The following RASAL2 variants were observed in gnomAD, a reference collection of about 807,000 sequenced individuals.
RASAL2 encodes ras GTPase-activating protein nGAP.
Under a neutral mutation model 128.9 loss-of-function variants are expected in RASAL2, and 58 were observed. The observed-to-expected ratio is 0.45, with a 90% CI of 0.36 to 0.56. The LOEUF (loss-of-function observed/expected upper bound fraction) is 0.56, where lower values mean the gene tolerates loss of function less well. RASAL2 is among the 20% of genes least tolerant of loss of function. The pLI, the probability that RASAL2 is intolerant of heterozygous loss-of-function variation, is 0.00. For synonymous variants in RASAL2, 561 were observed against 580.8 expected (o/e 0.97, Z 0.49); for missense variants, 1,360 against 1,601.6 (o/e 0.85, Z 2.57).
At chr1:178,252,506 T>C (rs2102091153) in intron 1 of RASAL2, among the ~76,000 whole-genome samples, 1 of 152,240 alleles carries the variant, frequency 6.6e-6, no homozygotes, top group South Asian at 2.1e-4. Context: ...AAAGAGTACT[T>C]TCAGGCTGAT....
chr1:178,337,780 G>A (rs562736091), intron 3 of RASAL2, among the ~76,000 whole-genome samples: 23 of 151,756 alleles, frequency 1.5e-4, no homozygotes, highest in African/African-American at 4.1e-4. Context: ...TGCCCAGGCT[G>A]GAGTGCAGTG....
At chr1:178,274,300 C>T (rs1169704844) in intron 1 of RASAL2, among the ~76,000 whole-genome samples, 1 of 152,154 alleles carries the variant, frequency 6.6e-6, no homozygotes, top group Non-Finnish European at 1.5e-5. Context: ...CAAAGAATCA[C>T]ATTCCTTGAA....
chr1:178,474,342 T>C lies in RASAL2; in HGVS notation c.*1103T>C, dbSNP rs1648526232. Reference sequence around the variant, plus strand: ...ACTCTATCCATTGTACTAGCAAATCTATGGGGGGTAATTTTATCTCCATCT... The same window carrying C: ...ACTCTATCCATTGTACTAGCAAATCCATGGGGGGTAATTTTATCTCCATCT... On this transcript the variant is annotated 3_prime_UTR_variant, in exon 18 of 18. Transcript: ENST00000367649. The C allele has an allele frequency of 6.6e-6, 1 of 152,460 alleles. No individual in the cohort carries two copies. The highest frequency in any genetic ancestry group is 2.4e-5 in the African/African-American group (1 of 41,464). The allele number at this position is 152,460 out of a possible 1,614,324, so 9.4% of individuals were successfully genotyped here.
chr1:178,262,467 TAAGA>T (rs1553201359), intron 1 of RASAL2, among the ~76,000 whole-genome samples: 1 of 152,246 alleles, frequency 6.6e-6, no homozygotes, highest in Non-Finnish European at 1.5e-5. Context: ...GCTTTAATTT[TAAGA>T]AAGAGTGACA....
At chr1:178,203,340 C>T (rs966136563) in intron 1 of RASAL2, among the ~76,000 whole-genome samples, 2 of 152,130 alleles carry the variant, frequency 1.3e-5, no homozygotes, top group African/African-American at 4.8e-5. Flanking sequence ...ATTGATAGAA[C>T]GGTAGAATGG....
chr1:178,390,042 TG>T, intron 3 of RASAL2, 57 bp from the exon 4 acceptor site: 1 of 1,105,240 alleles, frequency 9.0e-7, no homozygotes. Context: ...TACAGTTCAG[TG>T]GAAGATCCTA....
At chr1:178,243,386 C>T (rs1449922311) in intron 1 of RASAL2, among the ~76,000 whole-genome samples, 1 of 151,894 alleles carries the variant, frequency 6.6e-6, no homozygotes, top group Non-Finnish European at 1.5e-5. Flanking sequence ...TTTGGCAGGA[C>T]CTCCCAGCCT....
intron 3 of RASAL2, among the ~76,000 whole-genome samples, chr1:178,362,333 A>G (rs1453885258): frequency 6.6e-6 from 1 of 152,132 alleles, no homozygotes; most frequent in Non-Finnish European, 1.5e-5. Flanking sequence ...ATACCGAGAG[A>G]TTACTGTGTA....
chr1:178,268,987 A>T (rs952219062), intron 1 of RASAL2, among the ~76,000 whole-genome samples: 1 of 152,164 alleles, frequency 6.6e-6, no homozygotes, highest in Non-Finnish European at 1.5e-5. Context: ...ACTTTCTATT[A>T]TGAACTGAGT....
chr1:178,212,787 C>T (rs536060350), intron 1 of RASAL2, among the ~76,000 whole-genome samples: 11 of 152,066 alleles, frequency 7.2e-5, no homozygotes, highest in African/African-American at 1.2e-4. Context: ...CATGAGCCGC[C>T]GTGCCCGGCC....
At chr1:178,216,294 G>A (rs990248134) in intron 1 of RASAL2, among the ~76,000 whole-genome samples, 48 of 152,252 alleles carry the variant, frequency 3.2e-4, no homozygotes, top group African/African-American at 1.1e-3. Flanking sequence ...CGATCTTGTC[G>A]TTGATTTACA....
chr1:178,244,480 A>G (rs1200934704), intron 1 of RASAL2, among the ~76,000 whole-genome samples: 1 of 152,040 alleles, frequency 6.6e-6, no homozygotes, highest in African/African-American at 2.4e-5. Context: ...TGACCTTGTA[A>G]TCCACCCGCC....
intron 4 of RASAL2, among the ~76,000 whole-genome samples, chr1:178,404,419 T>C (rs962480387): frequency 7.2e-5 from 11 of 152,150 alleles, no homozygotes; most frequent in African/African-American, 2.6e-4. Context: ...TCTCGCTCTG[T>C]CGCCAGGCTA....
chr1:178,398,746 G>T (rs546478452), intron 4 of RASAL2, among the ~76,000 whole-genome samples: 6 of 152,096 alleles, frequency 3.9e-5, no homozygotes, highest in Non-Finnish European at 8.8e-5. Context: ...CATTTCTTCA[G>T]TTCCCAGGGC....
intron 1 of RASAL2, among the ~76,000 whole-genome samples, chr1:178,176,004 C>T (rs1281179758): frequency 6.6e-6 from 1 of 152,068 alleles, no homozygotes; most frequent in Admixed American, 6.6e-5. Flanking sequence ...GTGAATTATA[C>T]AACAATAAAC....
intron 4 of RASAL2, among the ~76,000 whole-genome samples, chr1:178,407,121 A>C (rs1674049937): frequency 6.6e-6 from 1 of 152,196 alleles, no homozygotes; most frequent in South Asian, 2.1e-4. Flanking sequence ...AATTTGAAAA[A>C]CAAAAACAAA....
At chr1:178,371,123 C>T (rs1200527797) in intron 3 of RASAL2, among the ~76,000 whole-genome samples, 2 of 151,468 alleles carry the variant, frequency 1.3e-5, no homozygotes, top group Admixed American at 6.6e-5. Context: ...CTTGATTTTT[C>T]TCTGCCTGGT....
intron 5 of RASAL2, among the ~76,000 whole-genome samples, chr1:178,426,903 A>G (rs1675551717): frequency 6.6e-6 from 1 of 152,286 alleles, no homozygotes. Context: ...GGATTAATCC[A>G]GCAGTGGAAT....
intron 4 of RASAL2, among the ~76,000 whole-genome samples, chr1:178,395,861 C>G (rs535718001): frequency 6.7e-6 from 1 of 148,448 alleles, no homozygotes; most frequent in South Asian, 2.1e-4. Context: ...ATGTTATTAC[C>G]AAAGGTAGAA....
Sources: gnomAD v4.1 joint callset for allele counts (sites outside exome capture counted in the v4.1 genomes callset) on GRCh38, gnomAD v4.1.1 for gene constraint, MANE v1.5 for transcripts, NCBI Gene and HGNC (gene_info 2026-07-23, HGNC 2026-07-21) for gene names.